Variants in STX19 observed in about 807,000 individuals in gnomAD.
STX19 encodes the protein syntaxin-19.
In STX19, 26 loss-of-function variants were observed where a neutral mutation model predicts 24.3. The observed-to-expected ratio is 1.07, with a 90% CI of 0.78 to 1.48. The LOEUF (loss-of-function observed/expected upper bound fraction) is 1.48. Among genes scored for constraint, STX19 ranks in the 40% most tolerant of loss-of-function variants. The pLI is 0.00. For missense variants in STX19, 367 were observed against 331.9 expected (o/e 1.11, Z -0.82); for synonymous variants, 116 against 106.9 (o/e 1.09, Z -0.52).
In STX19 at chr3:94,014,821, A is replaced by G. The variant is rs765373320; in HGVS notation, c.449T>C (p.Ile150Thr). The change falls in exon 2 of 2, where the codon ATA becomes ACA. Residue 150 changes from isoleucine to threonine, a missense_variant. By Grantham distance (89) the Ile-to-Thr change is moderately conservative. Transcript: ENST00000315099. ...MFRHFQQIMF[I>T]YNDTIAAKQE... Reference sequence around the variant, plus strand: ...CTTTGCTGCTATTGTGTCATTGTATATAAACATGATTTGCTGAAAATGGCG... The same window carrying G: ...CTTTGCTGCTATTGTGTCATTGTATGTAAACATGATTTGCTGAAAATGGCG... 1.9e-6 allele frequency: 3 copies of G among 1,614,094 alleles called. No individual in the cohort carries two copies. Among genetic ancestry groups the G allele is most frequent in the East Asian group, 2.2e-5 (1 of 44,864 alleles).
chr3:94,014,656 G>T lies in STX19; in HGVS notation c.614C>A (p.Thr205Asn), dbSNP rs1206254801. ...TTCAATCTCTGAAAGTTGTGCTTTA[G>T]TGATATTGATTTCTGTAAGTAAGCT... ...NESLLTEINITKAQLSEIEQR... is the reference protein window; with the variant it reads ...NESLLTEININKAQLSEIEQR... Residue 205 changes from threonine to asparagine, a missense_variant, in exon 2 of 2, where the codon ACT (threonine) becomes AAT (asparagine). Transcript: ENST00000315099. 6.2e-7 allele frequency: 1 copy of T among 1,613,516 alleles called. No homozygotes were observed. The highest frequency in any genetic ancestry group is 1.3e-5 in the African/African-American group (1 of 74,906).
rs1203669844 is a variant in STX19 at position 94,014,406 on chromosome 3, A to G, written c.864T>C (p.Cys288=). Residue 288 remains cysteine, a synonymous_variant, in exon 2 of 2, where the codon TGT becomes TGC. Coordinates refer to ENST00000315099, the MANE Select transcript of STX19 (RefSeq NM_001001850.3). ...TTCTTTATTTTGAGCTACAGCATGG[A>G]CAGCACCAACAACACAGTACTCTGC... ...NPCRVLCCWC[C]PCCSSK 15 of 1,552,470 alleles carry G rather than the reference A, an allele frequency of 9.7e-6. No homozygotes were observed. The East Asian group carries it at 3.4e-4, about 35-fold the overall frequency.
chr3:94,022,906 T>G (rs1203234027), intron 1 of STX19, among the ~76,000 whole-genome samples: 1 of 152,054 alleles, frequency 6.6e-6, no homozygotes, highest in Non-Finnish European at 1.5e-5. Flanking sequence ...TAATTCATTC[T>G]AAAACTGAAG....
intron 1 of STX19, among the ~76,000 whole-genome samples, chr3:94,021,176 A>ATAT (rs2076439914): frequency 6.8e-6 from 1 of 146,556 alleles, no homozygotes; most frequent in Non-Finnish European, 1.5e-5. Flanking sequence ...TTCGTGTTTA[A>ATAT]TATTATTATA....
chr3:94,020,362 A>G (rs1279021842), intron 1 of STX19, among the ~76,000 whole-genome samples: 1 of 152,208 alleles, frequency 6.6e-6, no homozygotes, highest in Non-Finnish European at 1.5e-5. Flanking sequence ...AGCTTTAGTA[A>G]TTGAACCATG....
intron 1 of STX19, among the ~76,000 whole-genome samples, chr3:94,026,617 A>G (rs1576007725): frequency 6.6e-6 from 1 of 152,346 alleles, no homozygotes; most frequent in Non-Finnish European, 1.5e-5. Context: ...TAAAACATGC[A>G]AGGACAGGAT....
At chr3:94,023,872 ATGT>A (rs571743978) in intron 1 of STX19, among the ~76,000 whole-genome samples, 2,171 of 152,300 alleles carry the variant, frequency 0.014, 21 homozygotes, top group Admixed American at 0.022. Flanking sequence ...ATCTAAAATA[ATGT>A]TGTTGTTTGA....
intron 1 of STX19, among the ~76,000 whole-genome samples, chr3:94,024,761 A>G (rs2076521293): frequency 6.6e-6 from 1 of 151,834 alleles, no homozygotes. Context: ...GATTTTTTAA[A>G]ATTTTTTGTA....
At chr3:94,025,453 A>G (rs932234440) in intron 1 of STX19, among the ~76,000 whole-genome samples, 4 of 152,198 alleles carry the variant, frequency 2.6e-5, no homozygotes, top group Non-Finnish European at 5.9e-5. Context: ...TTGAACATTT[A>G]GAGAATATTT....
chr3:94,023,427 A>G (rs1001267049), intron 1 of STX19, among the ~76,000 whole-genome samples: 1 of 151,756 alleles, frequency 6.6e-6, no homozygotes, highest in African/African-American at 2.4e-5. Flanking sequence ...GTCTTGATGC[A>G]TTTATTTGGT....
At chr3:94,026,858 A>T (rs2076568207) in intron 1 of STX19, among the ~76,000 whole-genome samples, 1 of 152,160 alleles carries the variant, frequency 6.6e-6, no homozygotes, top group Non-Finnish European at 1.5e-5. Flanking sequence ...TAAACATGAT[A>T]TTTAAAAAAG....
Position 94,019,736 on chromosome 3 carries a change from C to G in STX19, c.-13-4454G>C, listed in dbSNP as rs1269589136. Among the ~76,000 whole-genome samples the G allele has an allele frequency of 2.6e-5, 4 of 152,188 alleles. No individual in the cohort carries two copies. The East Asian group carries it at 7.7e-4, about 29-fold the overall frequency. On this transcript the variant is annotated intron_variant, in intron 1 of 1. Transcript: ENST00000315099. ...TACAAAGCTCCACAATGACTTCACC[C>G]CTTCTGTTACCCCTCCGACCTCACC...
At position 94,028,487 on chromosome 3, in the gene STX19, C is replaced by G. The variant is rs1242646715; in HGVS notation, c.-134G>C. ...TTATCTAAATCTCTGTCTTATAGGG[C>G]ACAGACTAATTTCTGTATAGTTTTC... On this transcript the variant is annotated 5_prime_UTR_variant, in exon 1 of 2. Coordinates refer to ENST00000315099, the MANE Select transcript of STX19 (RefSeq NM_001001850.3). The G allele has an allele frequency of 2.0e-5, 3 of 152,188 alleles. No homozygotes were observed. The highest frequency in any genetic ancestry group is 7.2e-5 in the African/African-American group (3 of 41,452). 9.4% of individuals were successfully genotyped at this position (152,188 alleles called of 1,614,324 possible).
chr3:94,016,230 G>C (rs1404804169), intron 1 of STX19, among the ~76,000 whole-genome samples: 2 of 152,040 alleles, frequency 1.3e-5, no homozygotes, highest in Non-Finnish European at 2.9e-5. Context: ...CATTTTTGAA[G>C]ATAAGAAGAG....
chr3:94,021,053 A>G (rs772879145), intron 1 of STX19, among the ~76,000 whole-genome samples: 4 of 152,082 alleles, frequency 2.6e-5, no homozygotes, highest in Admixed American at 1.3e-4. Flanking sequence ...AAAATGAGCT[A>G]TGAATGATAC....
At chr3:94,020,616 CTGTT>C (rs1259078467) in intron 1 of STX19, among the ~76,000 whole-genome samples, 2 of 152,100 alleles carry the variant, frequency 1.3e-5, no homozygotes, top group African/African-American at 2.4e-5. Context: ...ACCTTGAAAT[CTGTT>C]TGTGTCAGGA....
intron 1 of STX19, among the ~76,000 whole-genome samples, chr3:94,022,022 T>C (rs2076459721): frequency 6.6e-6 from 1 of 152,180 alleles, no homozygotes. Context: ...TTAAAGACAG[T>C]CATAAAGGCA....
chr3:94,022,416 G>T (rs986904284), intron 1 of STX19, among the ~76,000 whole-genome samples: 2 of 152,004 alleles, frequency 1.3e-5, no homozygotes, highest in Non-Finnish European at 2.9e-5. Flanking sequence ...GTGAGCCACC[G>T]CACCCGGCTG....
intron 1 of STX19, among the ~76,000 whole-genome samples, chr3:94,028,155 T>C (rs2076596921): frequency 6.6e-6 from 1 of 152,178 alleles, no homozygotes; most frequent in Non-Finnish European, 1.5e-5. Flanking sequence ...ATTTTTATTA[T>C]CGTAGTCTAT....
Sources: gnomAD v4.1 joint callset for allele counts (sites outside exome capture counted in the v4.1 genomes callset) on GRCh38, gnomAD v4.1.1 for gene constraint, MANE v1.5 for transcripts, NCBI Gene and HGNC (gene_info 2026-07-23, HGNC 2026-07-21) for gene names.